The following ZNF483 variants were observed in gnomAD, a reference collection of about 807,000 sequenced individuals.
ZNF483 encodes zinc finger protein 483.
Under a neutral mutation model 28.6 loss-of-function variants are expected in ZNF483, and 9 were observed. The ratio of observed to expected loss-of-function variants is 0.32; its 90% CI spans 0.19 to 0.55. The LOEUF is 0.55. ZNF483 is among the 20% of genes least tolerant of loss of function. The probability of loss-of-function intolerance (pLI) is 0.93; values close to 1 mark genes in which losing one functional copy is unlikely to be tolerated. For missense variants in ZNF483, 675 were observed against 871.7 expected (o/e 0.77, Z 2.84); for synonymous variants, 322 against 306.2 (o/e 1.05, Z -0.54).
chr9:111,572,896 G>A (rs905148770), intron 5 of ZNF483, among the ~76,000 whole-genome samples: 5 of 151,888 alleles, frequency 3.3e-5, no homozygotes, highest in Non-Finnish European at 7.4e-5. Context: ...TTCTGGATTT[G>A]TGCGTGTTGA....
chr9:111,529,374 C>T (rs1263636562), intron 2 of ZNF483, among the ~76,000 whole-genome samples: 1 of 152,218 alleles, frequency 6.6e-6, no homozygotes, highest in Non-Finnish European at 1.5e-5. Flanking sequence ...TTTTTTACTG[C>T]TCCTTGTGGA....
In ZNF483 at chr9:111,538,922, G is replaced by A. The variant is rs188335345; in HGVS notation, c.722-2735G>A. Reference sequence around the variant, plus strand: ...AGGTCAGGAGTTCGAGACCAACCTGGCCAACATGGTAAAACCCCATCTCTA... The same window carrying A: ...AGGTCAGGAGTTCGAGACCAACCTGACCAACATGGTAAAACCCCATCTCTA... On this transcript the variant is annotated intron_variant, in intron 5 of 5. Transcript: ENST00000309235. Among the ~76,000 whole-genome samples, 186 of 151,758 alleles carry A rather than the reference G, an allele frequency of 1.2e-3. 1 individual carries two copies. Among genetic ancestry groups the A allele is most frequent in the Non-Finnish European group, 2.1e-3 (140 of 67,882 alleles).
rs1827781324 is a variant in ZNF483, at chr9:111,545,317, G to T, written c.*2147G>T. On this transcript the variant is annotated 3_prime_UTR_variant, in exon 6 of 6. Coordinates refer to ENST00000309235, the MANE Select transcript of ZNF483 (RefSeq NM_133464.5). ...AATAACGTAAAAGTCTTCAGAAGAG[G>T]CTTGTTCCAAGATGATTACTCTTAG... 6.6e-6 allele frequency among the ~76,000 whole-genome samples: 1 copy of T among 152,118 alleles called. No individual in the cohort carries two copies. The highest frequency in any genetic ancestry group is 1.5e-5 in the Non-Finnish European group (1 of 68,022).
rs1187751855 is a variant in ZNF483, at chr9:111,550,711, T to G, written c.*7541T>G. Among the ~76,000 whole-genome samples the G allele has an allele frequency of 6.6e-6, 1 of 152,252 alleles. No individual in the cohort carries two copies. Among genetic ancestry groups the G allele is most frequent in the East Asian group, 1.9e-4 (1 of 5,206 alleles). ...TCTTGAAGATTTCTTCAACTTTATC[T>G]TCCAGCTCTACTATTAAATGTTGTG... On this transcript the variant is annotated 3_prime_UTR_variant, in exon 6 of 6. Coordinates refer to ENST00000309235, the MANE Select transcript of ZNF483 (RefSeq NM_133464.5).
Position 111,543,878 on chromosome 9 carries a change from C to T in ZNF483, c.*708C>T. On this transcript the variant is annotated 3_prime_UTR_variant, in exon 6 of 6. Transcript: ENST00000309235. ...CAAGTGATCCTTCCATCTCACTTTC[C>T]TGAGTAGCTGACATTACGGGTACAC... 3 of 983,262 alleles carry T rather than the reference C, an allele frequency of 3.1e-6. No individual in the cohort carries two copies. The highest frequency in any genetic ancestry group is 3.6e-6 in the Non-Finnish European group (3 of 828,616). 60.9% of individuals were successfully genotyped at this position (983,262 alleles called of 1,614,324 possible). A position where few individuals can be genotyped will look rare whatever the true frequency, so the allele number is the denominator to read the frequency against.
At chr9:111,577,171 A>G (rs571597562) in exon 6 of ZNF483, 1 of 152,360 alleles carries the variant, frequency 6.6e-6, no homozygotes, top group East Asian at 1.9e-4. Context: ...TTCTCCAAAG[A>G]AGATATACAA....
At chr9:111,570,615 A>T (rs762580719) in intron 5 of ZNF483, among the ~76,000 whole-genome samples, 70 of 141,218 alleles carry the variant, frequency 5.0e-4, no homozygotes, top group African/African-American at 8.0e-4. Flanking sequence ...TCTAAAAATT[A>T]AAAAAAAAAA....
At position 111,534,294 on chromosome 9, in the gene ZNF483, A is replaced by C; in HGVS notation, c.662A>C (p.Gln221Pro). ...FPVSKLELISQLKWVELPWLL... is the reference protein window; with the variant it reads ...FPVSKLELISPLKWVELPWLL... Reference sequence around the variant, plus strand: ...GTTTCAAAATTAGAGTTGATTTCCCAGCTAAAGTGGGTTGAATTGCCATGG... The same window carrying C: ...GTTTCAAAATTAGAGTTGATTTCCCCGCTAAAGTGGGTTGAATTGCCATGG... Residue 221 changes from glutamine to proline, a missense_variant, in exon 5 of 6, where the codon CAG becomes CCG. Gln to Pro is a moderately conservative substitution (Grantham distance 76). Coordinates refer to ENST00000309235, the MANE Select transcript of ZNF483 (RefSeq NM_133464.5). 6.2e-7 allele frequency: 1 copy of C among 1,614,166 alleles called. No individual in the cohort carries two copies. Among genetic ancestry groups the C allele is most frequent in the Non-Finnish European group, 8.5e-7 (1 of 1,180,028 alleles).
In ZNF483 at chr9:111,543,214, C is replaced by T. The variant is rs1827715241; in HGVS notation, c.*44C>T. The T allele has an allele frequency of 6.5e-7, 1 of 1,542,378 alleles. No individual in the cohort carries two copies. Among genetic ancestry groups the T allele is most frequent in the East Asian group, 2.3e-5 (1 of 44,352 alleles). On this transcript the variant is annotated 3_prime_UTR_variant, in exon 6 of 6. Coordinates refer to ENST00000309235, the MANE Select transcript of ZNF483 (RefSeq NM_133464.5). ...GTGGGGGGAATTTAATTCAAATTGT[C>T]AGTTACTGAAACCCTGGGATGTAAA...
At position 111,542,195 on chromosome 9, in the gene ZNF483, A is replaced by T; in HGVS notation, c.1260A>T (p.Ser420=). Residue 420 remains serine, a synonymous_variant, in exon 6 of 6, where the codon TCA becomes TCT. Coordinates refer to ENST00000309235, the MANE Select transcript of ZNF483 (RefSeq NM_133464.5). The surrounding 1 kb of genome is among the most constrained non-coding windows in gnomAD (Gnocchi z 6.2). Reference sequence around the variant, plus strand: ...TGTGTGAGAAATGTCGGAAAGATTCATGTCAAGAAGCAGCCTTAAATAAAG... The same window carrying T: ...TGTGTGAGAAATGTCGGAAAGATTCTTGTCAAGAAGCAGCCTTAAATAAAG... ...TPMCEKCRKD[S]CQEAALNKDE... is the part of the protein sequence containing the mutation. The T allele has an allele frequency of 6.2e-7, 1 of 1,614,126 alleles. No individual in the cohort carries two copies. The highest frequency in any genetic ancestry group is 8.5e-7 in the Non-Finnish European group (1 of 1,180,040).
intron 5 of ZNF483, among the ~76,000 whole-genome samples, chr9:111,568,484 T>C (rs1029055078): frequency 6.6e-6 from 1 of 152,206 alleles, no homozygotes; most frequent in Admixed American, 6.5e-5. Context: ...CAAGACAATA[T>C]GTGCACAGTG....
At chr9:111,570,200 G>T (rs771352831) in intron 5 of ZNF483, 1 of 1,613,506 alleles carries the variant, frequency 6.2e-7, no homozygotes, top group South Asian at 1.1e-5. Flanking sequence ...AACAATCTCT[G>T]GGGGTGGGCC....
intron 3 of ZNF483, among the ~76,000 whole-genome samples, chr9:111,531,275 A>G (rs1272455916): frequency 1.3e-5 from 2 of 152,216 alleles, no homozygotes; most frequent in African/African-American, 4.8e-5. Context: ...GTTTCAGTTC[A>G]CAGAATGCCA....
chr9:111,555,980 T>C (rs116930726), downstream of ZNF483, among the ~76,000 whole-genome samples: 1,050 of 152,334 alleles, frequency 6.9e-3, 7 homozygotes, highest in Middle Eastern at 0.024. Flanking sequence ...CCAAAGTCTC[T>C]TCTGACACAA....
Position 111,542,404 on chromosome 9 carries a change from G to C in ZNF483, c.1469G>C (p.Ser490Thr). The change falls in exon 6 of 6, where the codon AGT (serine) becomes ACT (threonine). Residue 490 changes from serine to threonine, a missense_variant. By Grantham distance (58) the Ser-to-Thr change is moderately conservative (BLOSUM62 1). Around this residue, in one of 6 missense-constraint regions of ZNF483, gnomAD observed 525 missense variants for 581.8 expected, o/e 0.90. Transcript: ENST00000309235. This position sits in a 1 kb window ranked among gnomAD's most constrained non-coding sequence, Gnocchi z 6.2. Reference sequence around the variant, plus strand: ...CTCACACCACATCATAGAACTCATAGTGGAGAGAAACCCTTCAAATGTGAT... The same window carrying C: ...CTCACACCACATCATAGAACTCATACTGGAGAGAAACCCTTCAAATGTGAT... The part of the protein sequence containing the change: ...SSLTPHHRTH[S>T]GEKPFKCDDC... The C allele has an allele frequency of 6.2e-7, 1 of 1,614,044 alleles. No individual in the cohort carries two copies. Among genetic ancestry groups the C allele is most frequent in the Non-Finnish European group, 8.5e-7 (1 of 1,180,014 alleles).
chr9:111,564,522 T>A (rs1828466093), intron 5 of ZNF483, among the ~76,000 whole-genome samples: 1 of 151,530 alleles, frequency 6.6e-6, no homozygotes, highest in Admixed American at 6.6e-5. Flanking sequence ...CCCAGGTTGG[T>A]CTCAAAGGCC....
chr9:111,538,936 ACC>A (rs1475737269), intron 5 of ZNF483, among the ~76,000 whole-genome samples: 1 of 151,710 alleles, frequency 6.6e-6, no homozygotes, highest in African/African-American at 2.4e-5. Flanking sequence ...ACATGGTAAA[ACC>A]CCATCTCTAC....
intron 5 of ZNF483, among the ~76,000 whole-genome samples, chr9:111,540,924 T>A (rs942091298): frequency 2.0e-5 from 3 of 152,136 alleles, no homozygotes; most frequent in Admixed American, 2.0e-4. Context: ...GGTAATAAAA[T>A]GTACTCCATA....
At chr9:111,539,377 T>C in intron 5 of ZNF483, 1 of 451,690 alleles carries the variant, frequency 2.2e-6, no homozygotes, top group South Asian at 1.6e-5. Flanking sequence ...TCCTCATGTG[T>C]CATTTAAAGC....
Sources: allele counts gnomAD v4.1 joint callset (sites outside exome capture counted in the v4.1 genomes callset), GRCh38; gene constraint gnomAD v4.1.1; regional missense constraint gnomAD v4.1.1; non-coding constraint Gnocchi (gnomAD v3.1); transcripts MANE v1.5; gene names NCBI Gene and HGNC (gene_info 2026-07-23, HGNC 2026-07-21).